Variants in PRKCB observed in about 807,000 individuals in gnomAD.
The protein encoded by PRKCB is protein kinase C beta, also known as protein kinase C beta type.
In PRKCB, 13 loss-of-function variants were observed where a neutral mutation model predicts 81.5. That is an observed-to-expected ratio of 0.16 (90% CI 0.10 to 0.25). PRKCB has a LOEUF of 0.25. PRKCB is among the 10% of genes least tolerant of loss of function. PRKCB has a pLI of 1.00. For synonymous variants in PRKCB, 335 were observed against 321.4 expected, an observed-to-expected ratio of 1.04 and a Z score of -0.45; for missense variants, 509 against 875.7, an observed-to-expected ratio of 0.58 and a Z score of 5.29.
chr16:24,214,169 AGAGCTG>A (rs1968188084), intron 16 of PRKCB, among the ~76,000 whole-genome samples: 1 of 152,230 alleles, frequency 6.6e-6, no homozygotes, highest in Non-Finnish European at 1.5e-5. Context: ...CTCCTGATTG[AGAGCTG>A]GAGGACAGCA....
intron 16 of PRKCB, among the ~76,000 whole-genome samples, chr16:24,212,461 C>CTTTTTT (rs975667798): frequency 3.8e-5 from 3 of 78,062 alleles, no homozygotes; most frequent in South Asian, 4.5e-4. Flanking sequence ...CTTTTTTTTC[C>CTTTTTT]TTTTTTTTTT....
At chr16:24,094,103 T>G in intron 6 of PRKCB, 60 bp from the exon 7 acceptor site, 1 of 1,569,592 alleles carries the variant, frequency 6.4e-7, no homozygotes. Flanking sequence ...TCTTGTACAT[T>G]TATTCTGCTT....
At chr16:24,058,766 T>C (rs963860188) in intron 5 of PRKCB, among the ~76,000 whole-genome samples, 1 of 152,202 alleles carries the variant, frequency 6.6e-6, no homozygotes, top group Non-Finnish European at 1.5e-5. Context: ...TGCTCAAGCA[T>C]GCTAGGGATT....
intron 3 of PRKCB, chr16:24,031,897 G>T (rs1038124583): frequency 1.2e-5 from 4 of 343,804 alleles, no homozygotes; most frequent in Non-Finnish European, 1.6e-5. Flanking sequence ...TGCAGGCAGG[G>T]TGAGTGAGCA....
chr16:24,152,966 C>A (rs1006915965), intron 9 of PRKCB, among the ~76,000 whole-genome samples: 1 of 152,272 alleles, frequency 6.6e-6, no homozygotes, highest in South Asian at 2.1e-4. Context: ...GCCTTTGTCA[C>A]TGTGGCTGTG....
At position 24,123,887 on chromosome 16, in the gene PRKCB, C is replaced by T. The variant is rs1442138562; in HGVS notation, c.971C>T (p.Thr324Ile). The T allele has an allele frequency of 1.2e-6, 2 of 1,614,076 alleles. No individual in the cohort carries two copies. Among genetic ancestry groups the T allele is most frequent in the East Asian group, 4.5e-5 (2 of 44,892 alleles). Reference sequence around the variant, plus strand: ...GTCCCGGAAGAAAAGACGACCAACACTGTCTCCAAATTTGACAACAATGGC... The same window carrying T: ...GTCCCGGAAGAAAAGACGACCAACATTGTCTCCAAATTTGACAACAATGGC... ...TKVPEEKTTNTVSKFDNNGNR... is the reference protein window; with the variant it reads ...TKVPEEKTTNIVSKFDNNGNR... The change falls in exon 9 of 17, where the codon ACT becomes ATT. Residue 324 changes from threonine to isoleucine, a missense_variant. Physicochemically the swap from Thr to Ile is moderately conservative, Grantham distance 89 (BLOSUM62 -1). Transcript: ENST00000643927.
chr16:23,881,668 T>A (rs923268234), intron 2 of PRKCB, among the ~76,000 whole-genome samples: 4 of 152,236 alleles, frequency 2.6e-5, no homozygotes, highest in Non-Finnish European at 5.9e-5. Context: ...TACAAAATTT[T>A]AAAATCATGG....
chr16:24,210,735 A>G (rs1236928945), intron 16 of PRKCB, among the ~76,000 whole-genome samples: 2 of 152,114 alleles, frequency 1.3e-5, no homozygotes, highest in African/African-American at 4.8e-5. Flanking sequence ...CCTGAGCTCA[A>G]GTGATCCACC....
At chr16:24,027,513 G>A (rs1050663456) in intron 3 of PRKCB, among the ~76,000 whole-genome samples, 3 of 152,170 alleles carry the variant, frequency 2.0e-5, no homozygotes, top group Non-Finnish European at 4.4e-5. Context: ...TCTTTGAGCA[G>A]GACAGATGAT....
At chr16:23,911,127 G>GCTTTTTT (rs1963644708) in intron 2 of PRKCB, among the ~76,000 whole-genome samples, 1 of 11,788 alleles carries the variant, frequency 8.5e-5, no homozygotes, top group Non-Finnish European at 1.7e-4. Context: ...ACGTATATAT[G>GCTTTTTT]CTTTTTTTTT....
At chr16:24,211,279 A>G (rs1400312351) in intron 16 of PRKCB, among the ~76,000 whole-genome samples, 2 of 152,240 alleles carry the variant, frequency 1.3e-5, no homozygotes, top group East Asian at 3.8e-4. Flanking sequence ...ACACCATGCA[A>G]ATGCCCTATT....
chr16:24,079,570 G>T (rs1451001420), intron 5 of PRKCB, among the ~76,000 whole-genome samples: 2 of 152,068 alleles, frequency 1.3e-5, no homozygotes, highest in South Asian at 4.1e-4. Flanking sequence ...GTGACAAAGA[G>T]ATTAAAAATG....
chr16:23,934,114 G>C (rs1161055008), intron 2 of PRKCB, among the ~76,000 whole-genome samples: 1 of 151,928 alleles, frequency 6.6e-6, no homozygotes, highest in Non-Finnish European at 1.5e-5. Context: ...TTTCCTTCCT[G>C]GACTTGCTTG....
chr16:23,890,580 C>T lies in PRKCB; in HGVS notation c.205+53174C>T, dbSNP rs557426684. Among the ~76,000 whole-genome samples the T allele has an allele frequency of 2.6e-5, 4 of 152,298 alleles. No homozygotes were observed. The South Asian group carries it at 8.3e-4, about 32-fold the overall frequency. On this transcript the variant is annotated intron_variant, in intron 2 of 16. Transcript: ENST00000643927. ...GCTTTTCATCTTTGTGACTCCCAGT[C>T]ATGGGCAAGAGGCTAGCTAGCTCCA...
intron 16 of PRKCB, among the ~76,000 whole-genome samples, chr16:24,193,310 T>A (rs546823705): frequency 1.4e-4 from 22 of 151,856 alleles, no homozygotes; most frequent in African/African-American, 5.1e-4. Flanking sequence ...CTAGGTGTGA[T>A]GGTGGGTGCC....
chr16:24,157,903 A>G (rs1194638600), intron 10 of PRKCB, among the ~76,000 whole-genome samples: 3 of 151,580 alleles, frequency 2.0e-5, no homozygotes, highest in Non-Finnish European at 4.4e-5. Flanking sequence ...TCCTTTATAA[A>G]TTACCGAGTC....
In PRKCB at chr16:23,912,221, C is replaced by T. The variant is rs375908401; in HGVS notation, c.205+74815C>T. ...ACCGTTTAACCCTTAATTGCATTTC[C>T]CCTCATATTATTATACTCACTAATG... On this transcript the variant is annotated intron_variant, in intron 2 of 16. Coordinates refer to ENST00000643927, the MANE Select transcript of PRKCB (RefSeq NM_002738.7). 3.3e-5 allele frequency among the ~76,000 whole-genome samples: 5 copies of T among 152,006 alleles called. No individual in the cohort carries two copies. In the East Asian group the frequency reaches 9.7e-4, roughly 29 times the overall value.
At chr16:24,177,753 T>G (rs1177434608) in intron 12 of PRKCB, among the ~76,000 whole-genome samples, 1 of 152,148 alleles carries the variant, frequency 6.6e-6, no homozygotes, top group Non-Finnish European at 1.5e-5. Flanking sequence ...CATGGCAGCT[T>G]GGGTGGTGGT....
intron 6 of PRKCB, among the ~76,000 whole-genome samples, chr16:24,093,737 A>T (rs1966405197): frequency 1.3e-5 from 2 of 152,176 alleles, no homozygotes; most frequent in Non-Finnish European, 2.9e-5. Context: ...AGTCAAGGAC[A>T]TGTCTCAGAA....
Sources: gnomAD v4.1 joint callset for allele counts (sites outside exome capture counted in the v4.1 genomes callset) on GRCh38, gnomAD v4.1.1 for gene constraint, MANE v1.5 for transcripts, NCBI Gene and HGNC (gene_info 2026-07-23, HGNC 2026-07-21) for gene names.